NRG3: variants seen among roughly 807,000 people sequenced by gnomAD.
The protein encoded by NRG3 is neuregulin 3.
In NRG3, 31 loss-of-function variants were observed where a neutral mutation model predicts 66.9. The observed-to-expected ratio is 0.46, with a 90% CI of 0.35 to 0.63. The LOEUF (loss-of-function observed/expected upper bound fraction) is 0.63, where lower values mean the gene tolerates loss of function less well. Among genes scored for constraint, NRG3 ranks in the 20% least tolerant of loss-of-function variants. The pLI is 0.00. For missense variants in NRG3, 910 were observed against 878.9 expected, an observed-to-expected ratio of 1.04 and a Z score of -0.45; for synonymous variants, 393 against 359.4, an observed-to-expected ratio of 1.09 and a Z score of -1.06.
intron 2 of NRG3, among the ~76,000 whole-genome samples, chr10:82,561,708 A>G (rs1184051964): frequency 6.6e-6 from 1 of 152,214 alleles, no homozygotes; most frequent in Non-Finnish European, 1.5e-5. Flanking sequence ...CTAGATCCCA[A>G]TCACATTTCT....
rs1432695663 is a variant in NRG3, at chr10:82,401,347, A to G, written c.953+42479A>G. 5.9e-5 allele frequency among the ~76,000 whole-genome samples: 9 copies of G among 151,960 alleles called. 1 individual carries two copies. The highest frequency in any genetic ancestry group is 2.2e-4 in the African/African-American group (9 of 41,384). On this transcript the variant is annotated intron_variant, in intron 2 of 8. Transcript: ENST00000372141. ...TATATATAATGTATGTATATAAATTATATGTATATATGAATATGTATGTGT... is the reference window on the plus strand; with the variant it reads ...TATATATAATGTATGTATATAAATTGTATGTATATATGAATATGTATGTGT...
chr10:82,048,342 G>T (rs1009156602), intron 1 of NRG3, among the ~76,000 whole-genome samples: 3 of 151,692 alleles, frequency 2.0e-5, no homozygotes, highest in African/African-American at 4.8e-5. Context: ...TGACCACATA[G>T]TTGGAAGTAA....
chr10:82,358,644 GA>G, intron 1 of NRG3, 94 bp from the exon 2 acceptor site: 1 of 1,550,896 alleles, frequency 6.4e-7, no homozygotes. Context: ...GAGCCCATGA[GA>G]AGGCCTCCAT....
At chr10:82,517,604 C>T (rs1845779944) in intron 2 of NRG3, among the ~76,000 whole-genome samples, 1 of 149,952 alleles carries the variant, frequency 6.7e-6, no homozygotes, top group African/African-American at 2.5e-5. Flanking sequence ...ATCTTCACTC[C>T]TTGTCTCTCT....
At chr10:81,931,639 G>T (rs1847357682) in intron 1 of NRG3, among the ~76,000 whole-genome samples, 1 of 152,000 alleles carries the variant, frequency 6.6e-6, no homozygotes, top group South Asian at 2.1e-4. Context: ...CCTATTCTTG[G>T]ATTTCCACAC....
At chr10:82,174,980 C>T (rs1480979228) in intron 1 of NRG3, among the ~76,000 whole-genome samples, 3 of 152,104 alleles carry the variant, frequency 2.0e-5, no homozygotes, top group Non-Finnish European at 4.4e-5. Flanking sequence ...TGATTTTTCC[C>T]TCTCTTTTTT....
chr10:82,451,946 T>A (rs374164585), intron 2 of NRG3, among the ~76,000 whole-genome samples: 15 of 152,230 alleles, frequency 9.9e-5, no homozygotes, highest in African/African-American at 3.6e-4. Flanking sequence ...GGTTTGACAA[T>A]TCAAAATAAA....
chr10:82,924,086 CAAAAAAAAAAAAAAA>C lies in NRG3; in HGVS notation c.1055-27374_1055-27360del, dbSNP rs3075657. On this transcript the variant is annotated intron_variant, in intron 4 of 8. Coordinates refer to ENST00000372141, the MANE Select transcript of NRG3 (RefSeq NM_001010848.4). The stretch of plus-strand genomic sequence containing the variant: ...CCTGGGCAACATAGCGAGACTGTCT[CAAAAAAAAAAAAAAA>C]AAAAAAAAGGTAGAAAGAGATGGTG... Among the ~76,000 whole-genome samples the C allele has an allele frequency of 9.7e-4, 67 of 69,292 alleles. 1 individual carries two copies. The East Asian group carries it at 0.025, about 26-fold the overall frequency. 45.5% of individuals were successfully genotyped at this position (69,292 alleles called of 152,430 possible). A position where few individuals can be genotyped will look rare whatever the true frequency, so the allele number is the denominator to read the frequency against.
intron 2 of NRG3, among the ~76,000 whole-genome samples, chr10:82,639,940 G>A (rs982857225): frequency 6.6e-6 from 1 of 151,910 alleles, no homozygotes; most frequent in Admixed American, 6.6e-5. Context: ...CCCTCCAATA[G>A]GCCCCAGTGT....
chr10:82,635,129 A>G (rs1377684874), intron 2 of NRG3, among the ~76,000 whole-genome samples: 1 of 152,194 alleles, frequency 6.6e-6, no homozygotes, highest in African/African-American at 2.4e-5. Context: ...TCAAACTACA[A>G]GCAATTCTTG....
At chr10:82,352,532 A>T (rs1444058639) in intron 1 of NRG3, among the ~76,000 whole-genome samples, 1 of 152,226 alleles carries the variant, frequency 6.6e-6, no homozygotes, top group African/African-American at 2.4e-5. Flanking sequence ...GAAAGCCTTT[A>T]CTGGGCAACA....
intron 1 of NRG3, among the ~76,000 whole-genome samples, chr10:82,192,136 C>T (rs2074179954): frequency 6.6e-6 from 1 of 152,104 alleles, no homozygotes; most frequent in Non-Finnish European, 1.5e-5. Flanking sequence ...GGGGAAACGC[C>T]AGACTCCCCC....
At chr10:82,521,592 G>A (rs543125513) in intron 2 of NRG3, among the ~76,000 whole-genome samples, 3 of 152,072 alleles carry the variant, frequency 2.0e-5, no homozygotes, top group African/African-American at 4.8e-5. Flanking sequence ...CGCCCGCCTT[G>A]GCCTCCCAAA....
At chr10:82,791,311 G>GT (rs796610593) in intron 3 of NRG3, among the ~76,000 whole-genome samples, 58 of 147,052 alleles carry the variant, frequency 3.9e-4, no homozygotes, top group Admixed American at 1.9e-3. Context: ...TTTTTTTTTG[G>GT]TTTTTTTTTC....
intron 1 of NRG3, among the ~76,000 whole-genome samples, chr10:82,193,194 G>T (rs1691752029): frequency 6.6e-6 from 1 of 152,192 alleles, no homozygotes; most frequent in Admixed American, 6.5e-5. Flanking sequence ...CCAGGCTGGA[G>T]TGCAGTGGCA....
intron 2 of NRG3, among the ~76,000 whole-genome samples, chr10:82,703,368 C>T (rs955183634): frequency 1.3e-5 from 2 of 152,038 alleles, no homozygotes; most frequent in African/African-American, 4.8e-5. Context: ...CTATTTATTT[C>T]CAAACTTACA....
At chr10:81,942,353 A>G (rs1848473773) in intron 1 of NRG3, among the ~76,000 whole-genome samples, 1 of 152,144 alleles carries the variant, frequency 6.6e-6, no homozygotes, top group Non-Finnish European at 1.5e-5. Flanking sequence ...CTTTCTGAAA[A>G]GACTCATAGT....
At chr10:82,709,242 G>A (rs562613460) in intron 2 of NRG3, among the ~76,000 whole-genome samples, 1 of 152,270 alleles carries the variant, frequency 6.6e-6, no homozygotes, top group Admixed American at 6.5e-5. Flanking sequence ...ACCAGGAAGG[G>A]CAGCTCTCAT....
chr10:82,449,019 T>C (rs2090888154), intron 2 of NRG3, among the ~76,000 whole-genome samples: 1 of 152,088 alleles, frequency 6.6e-6, no homozygotes, highest in South Asian at 2.1e-4. Context: ...ACTGAATGAA[T>C]AGGGGAAATA....
Sources: gnomAD v4.1 joint callset for allele counts (sites outside exome capture counted in the v4.1 genomes callset) on GRCh38, gnomAD v4.1.1 for gene constraint, MANE v1.5 for transcripts, NCBI Gene and HGNC (gene_info 2026-07-23, HGNC 2026-07-21) for gene names.